The following DNAH5 variants were observed in gnomAD, a reference collection of about 807,000 sequenced individuals.
The protein encoded by DNAH5 is dynein axonemal heavy chain 5.
In DNAH5, 372 loss-of-function variants were observed where a neutral mutation model predicts 518.2. The observed-to-expected ratio is 0.72, with a 90% CI of 0.66 to 0.78. The LOEUF is 0.78. Ranked by LOEUF, DNAH5 falls within the 30% of genes least tolerant of loss-of-function variation. The pLI is 0.00. For missense variants in DNAH5, 5,523 were observed against 5,687.0 expected (o/e 0.97, Z 0.93); for synonymous variants, 2,039 against 2,025.9 (o/e 1.01, Z -0.17).
At chr5:13,902,577 T>C (rs1235464887) in intron 12 of DNAH5, among the ~76,000 whole-genome samples, 1 of 152,118 alleles carries the variant, frequency 6.6e-6, no homozygotes, top group Non-Finnish European at 1.5e-5. Context: ...GGAAAAAAAG[T>C]CACCCTACAA....
In DNAH5 at chr5:13,793,652, C is replaced by G; in HGVS notation, c.8087G>C (p.Ser2696Thr). The change falls in exon 49 of 79, where the codon AGC becomes ACC. Residue 2696 changes from serine to threonine, a missense_variant. Ser to Thr is a moderately conservative substitution (Grantham distance 58). Around this residue, in one of 3 missense-constraint regions of DNAH5, gnomAD observed 5,121 missense variants for 5,223.3 expected, o/e 0.98. Coordinates refer to ENST00000265104, the MANE Select transcript of DNAH5 (RefSeq NM_001369.3). ...YNLEKPGEFT[S>T]IVDIQFLAAM... ...TGCCAAAAACTGGATGTCCACGATG[C>G]TGGTGAACTCCCCAGGCTTCTCTAG... is the stretch of plus-strand genomic sequence containing the variant. 6.2e-7 allele frequency: 1 copy of G among 1,614,154 alleles called. No homozygotes were observed. Among genetic ancestry groups the G allele is most frequent in the Non-Finnish European group, 8.5e-7 (1 of 1,180,018 alleles).
At chr5:13,765,068 A>C (rs150553411) in intron 59 of DNAH5, among the ~76,000 whole-genome samples, 8 of 152,346 alleles carry the variant, frequency 5.3e-5, no homozygotes, top group Middle Eastern at 3.4e-3. Context: ...TATTGTATCT[A>C]CATGGTGGAA....
chr5:13,829,960 C>G, intron 37 of DNAH5, 66 bp downstream of exon 37: 1 of 1,429,292 alleles, frequency 7.0e-7, no homozygotes, highest in Non-Finnish European at 9.8e-7. Flanking sequence ...GACATATGAC[C>G]AGGGAGATGC....
intron 31 of DNAH5, among the ~76,000 whole-genome samples, chr5:13,846,246 T>C (rs1182245459): frequency 1.3e-5 from 2 of 152,100 alleles, no homozygotes; most frequent in East Asian, 1.9e-4. Flanking sequence ...GTAATAAGCA[T>C]AGTACCTGAT....
At chr5:13,901,634 T>C in intron 13 of DNAH5, 61 bp from the exon 14 acceptor site, 1 of 1,009,796 alleles carries the variant, frequency 9.9e-7, no homozygotes, top group Non-Finnish European at 1.4e-6. Flanking sequence ...AAATACACAA[T>C]AAAAATATCT....
chr5:14,003,824 T>C (rs1784528806), intron 1 of DNAH5, among the ~76,000 whole-genome samples: 1 of 152,230 alleles, frequency 6.6e-6, no homozygotes, highest in Non-Finnish European at 1.5e-5. Flanking sequence ...GCCACCCTGC[T>C]GGGAGCAGGC....
At chr5:13,842,429 A>AAGAGAGAGAGAGAGAGAGAGAGAGAG (rs1464737735) in intron 32 of DNAH5, among the ~76,000 whole-genome samples, 1 of 55,600 alleles carries the variant, frequency 1.8e-5, no homozygotes, top group African/African-American at 7.6e-5. Flanking sequence ...AAAGAAAAGA[A>AAGAGAGAGAGAGAGAGAGAGAGAGAG]AGAAAGAAAG....
intron 1 of DNAH5, among the ~76,000 whole-genome samples, chr5:13,951,208 G>GTTTTTTTTTTTTTTTTT (rs869082404): frequency 1.5e-5 from 1 of 66,600 alleles, no homozygotes; most frequent in Non-Finnish European, 2.5e-5. Context: ...TGTTTTTTTC[G>GTTTTTTTTTTTTTTTTT]TTTTTTTTTT....
At chr5:13,888,105 G>A (rs1266513659) in intron 17 of DNAH5, among the ~76,000 whole-genome samples, 1 of 152,168 alleles carries the variant, frequency 6.6e-6, no homozygotes, top group Non-Finnish European at 1.5e-5. Context: ...CTGCCCTCAT[G>A]CAGAAGACAA....
At position 13,701,294 on chromosome 5, in the gene DNAH5, G is replaced by A. The variant is rs756228394; in HGVS notation, c.13481C>T (p.Ala4494Val). The change falls in exon 77 of 79, where the codon GCA becomes GTA. Residue 4494 changes from alanine to valine, a missense_variant. By Grantham distance (64) the Ala-to-Val change is moderately conservative (BLOSUM62 0). Coordinates refer to ENST00000265104, the MANE Select transcript of DNAH5 (RefSeq NM_001369.3). The part of the protein sequence containing the change: ...GFFNPQGFLT[A>V]MRQEITRANK... Reference sequence around the variant, plus strand: ...AATCAGAGCTCTTACCTGTCGCATTGCAGTTAAAAATCCCTGGGGGTTAAA... The same window carrying A: ...AATCAGAGCTCTTACCTGTCGCATTACAGTTAAAAATCCCTGGGGGTTAAA... 3 of 1,613,944 alleles carry A rather than the reference G, an allele frequency of 1.9e-6. No individual in the cohort carries two copies. The East Asian group carries it at 6.7e-5, about 36-fold the overall frequency.
rs1774580368 is a variant in DNAH5, at chr5:13,901,297, G to C, written c.2007C>G (p.Val669=). The C allele has an allele frequency of 3.1e-6, 5 of 1,614,156 alleles. No individual in the cohort carries two copies. Among genetic ancestry groups the C allele is most frequent in the Non-Finnish European group, 4.2e-6 (5 of 1,180,018 alleles). Residue 669 remains valine, a synonymous_variant, in exon 14 of 79, where the codon GTC becomes GTG. Coordinates refer to ENST00000265104, the MANE Select transcript of DNAH5 (RefSeq NM_001369.3). ...GGAAGAGGACCTCAAACTCCAGGAG[G>C]ACCTTGGCCATCCTGTTGTAACTGC... ...IIRSYNRMAK[V]LLEFEVLFHR... is the part of the protein sequence containing the mutation.
intron 24 of DNAH5, 102 bp from the exon 25 acceptor site, chr5:13,868,094 T>C: frequency 1.1e-6 from 1 of 920,228 alleles, no homozygotes; most frequent in Non-Finnish European, 1.7e-6. Flanking sequence ...AGAATAATAG[T>C]GAAACTACCC....
chr5:13,770,378 A>G (rs930068324), intron 56 of DNAH5, among the ~76,000 whole-genome samples: 1 of 152,212 alleles, frequency 6.6e-6, no homozygotes, highest in Non-Finnish European at 1.5e-5. Context: ...ACTCCCGTCC[A>G]GGTCTATTAT....
chr5:13,755,150 G>T (rs1750812651), intron 61 of DNAH5, among the ~76,000 whole-genome samples: 1 of 152,010 alleles, frequency 6.6e-6, no homozygotes, highest in African/African-American at 2.4e-5. Context: ...AAATGGCTCT[G>T]TTTCTTAGTG....
rs140279971 is a variant in DNAH5, at chr5:13,716,518, C to T, written c.12878G>A (p.Ser4293Asn). ...FYQGYNIPKC[S>N]TVDNYLQYIQ... ...ATACTGAAGATAGTTATCCACTGTG[C>T]TGCATTTTGGAATATTGTATCCTTG... The change falls in exon 74 of 79, where the codon AGC (serine) becomes AAC (asparagine). Residue 4293 changes from serine (S) to asparagine (N), a missense_variant. Physicochemically the swap from Ser to Asn is conservative, Grantham distance 46. Around this residue, in one of 3 missense-constraint regions of DNAH5, gnomAD observed 387 missense variants for 430.0 expected, o/e 0.90. Transcript: ENST00000265104. 146 of 1,613,776 alleles carry T rather than the reference C, an allele frequency of 9.0e-5. 1 individual carries two copies. In the African/African-American group the frequency reaches 1.7e-3, roughly 19 times the overall value.
intron 1 of DNAH5, among the ~76,000 whole-genome samples, chr5:14,009,667 G>T (rs1784983926): frequency 6.6e-6 from 1 of 152,168 alleles, no homozygotes; most frequent in African/African-American, 2.4e-5. Context: ...CTGGGCCATA[G>T]GTTTGTTTCA....
At chr5:13,891,727 T>G (rs1397549075) in intron 16 of DNAH5, among the ~76,000 whole-genome samples, 1 of 145,944 alleles carries the variant, frequency 6.9e-6, no homozygotes, top group Non-Finnish European at 1.5e-5. Flanking sequence ...ACAAGAAGTA[T>G]TCAACAAATT....
chr5:13,761,804 CTT>C (rs1751823494), intron 60 of DNAH5, among the ~76,000 whole-genome samples: 2 of 152,174 alleles, frequency 1.3e-5, no homozygotes, highest in African/African-American at 4.8e-5. Flanking sequence ...TCAAATGACT[CTT>C]TGTCCCTTTA....
chr5:13,964,333 C>G (rs1256938852), intron 1 of DNAH5, among the ~76,000 whole-genome samples: 1 of 152,198 alleles, frequency 6.6e-6, no homozygotes, highest in Non-Finnish European at 1.5e-5. Context: ...CTGGGTGAGT[C>G]TCTCCTGAGT....
Sources: allele counts gnomAD v4.1 joint callset (sites outside exome capture counted in the v4.1 genomes callset), GRCh38; gene constraint gnomAD v4.1.1; regional missense constraint gnomAD v4.1.1; transcripts MANE v1.5; gene names NCBI Gene and HGNC (gene_info 2026-07-23, HGNC 2026-07-21).